The following KLHL1 variants were observed in gnomAD, a reference collection of about 807,000 sequenced individuals.
KLHL1 encodes the protein kelch-like protein 1.
In KLHL1, 47 loss-of-function variants were observed where a neutral mutation model predicts 77.7. The observed-to-expected ratio is 0.60, with a 90% confidence interval of 0.48 to 0.77. The LOEUF is 0.77. Among genes scored for constraint, KLHL1 ranks in the 30% least tolerant of loss-of-function variants. KLHL1 has a pLI of 0.00. For missense variants in KLHL1, 925 were observed against 910.8 expected (o/e 1.02, Z -0.20); for synonymous variants, 360 against 325.2 (o/e 1.11, Z -1.15).
At chr13:69,882,221 T>A (rs1278544246) in intron 5 of KLHL1, 62 bp downstream of exon 5, 1 of 1,134,012 alleles carries the variant, frequency 8.8e-7, no homozygotes, top group African/African-American at 1.5e-5. Context: ...TTTTGATGTT[T>A]ACTTTTAATA....
intron 1 of KLHL1, among the ~76,000 whole-genome samples, chr13:70,033,339 G>A (rs1886153437): frequency 6.6e-6 from 1 of 152,076 alleles, no homozygotes; most frequent in Admixed American, 6.6e-5. Context: ...GCCCAGGCTG[G>A]AGGGCAGTGG....
At chr13:69,968,236 A>G (rs1884276011) in intron 2 of KLHL1, among the ~76,000 whole-genome samples, 1 of 152,044 alleles carries the variant, frequency 6.6e-6, no homozygotes, top group Non-Finnish European at 1.5e-5. Context: ...TTTTAGCAAT[A>G]AAGCATTTTT....
rs372530792 is a variant in KLHL1 at position 69,878,022 on chromosome 13, G to T, written c.1227+4261C>A. On this transcript the variant is annotated intron_variant, in intron 5 of 10. Coordinates refer to ENST00000377844, the MANE Select transcript of KLHL1 (RefSeq NM_020866.3). ...AAATATGTCCAAGTCAAGTTGGTCA[G>T]TTGCCTCATGAACACAAGAGGCTAT... 2.9e-4 allele frequency among the ~76,000 whole-genome samples: 44 copies of T among 152,260 alleles called. No individual in the cohort carries two copies. The East Asian group carries it at 8.5e-3, about 29-fold the overall frequency.
intron 1 of KLHL1, among the ~76,000 whole-genome samples, chr13:70,037,598 T>G (rs1346802576): frequency 6.6e-6 from 1 of 152,082 alleles, no homozygotes; most frequent in Non-Finnish European, 1.5e-5. Context: ...TGTCTCTTCT[T>G]TAGTTTCTTT....
At chr13:69,803,763 T>C (rs78302566) in intron 6 of KLHL1, among the ~76,000 whole-genome samples, 11,501 of 152,176 alleles carry the variant, frequency 0.076, 521 homozygotes, top group Non-Finnish European at 0.099. Context: ...AGATGGGTCA[T>C]ATAAGAAGGA....
chr13:69,788,441 C>G (rs1002145692), intron 7 of KLHL1, among the ~76,000 whole-genome samples: 1 of 151,970 alleles, frequency 6.6e-6, no homozygotes, highest in Non-Finnish European at 1.5e-5. Flanking sequence ...TGTTCTCACT[C>G]ATAGGTGGGA....
intron 9 of KLHL1, among the ~76,000 whole-genome samples, chr13:69,708,614 A>C (rs1875738435): frequency 6.6e-6 from 1 of 152,012 alleles, no homozygotes; most frequent in Non-Finnish European, 1.5e-5. Context: ...TATTAAATTT[A>C]AACAAAAAAT....
intron 3 of KLHL1, among the ~76,000 whole-genome samples, chr13:69,951,950 G>C (rs1883724766): frequency 6.6e-6 from 1 of 151,388 alleles, no homozygotes; most frequent in Admixed American, 6.6e-5. Context: ...AATTCTTTCT[G>C]AAAACACTAT....
intron 3 of KLHL1, among the ~76,000 whole-genome samples, chr13:69,952,466 A>G (rs913505440): frequency 1.3e-5 from 2 of 151,358 alleles, no homozygotes; most frequent in African/African-American, 4.8e-5. Flanking sequence ...TCCTTTAGAG[A>G]AGAAAATATG....
intron 2 of KLHL1, among the ~76,000 whole-genome samples, chr13:69,963,067 A>T (rs1276727169): frequency 6.6e-6 from 1 of 151,988 alleles, no homozygotes; most frequent in African/African-American, 2.4e-5. Context: ...TTATAATTTC[A>T]GCATTTTTTT....
intron 1 of KLHL1, among the ~76,000 whole-genome samples, chr13:69,983,872 A>C (rs2137302996): frequency 6.6e-6 from 1 of 150,670 alleles, no homozygotes; most frequent in South Asian, 2.1e-4. Context: ...AGACTAGAGA[A>C]CCAATAAATA....
intron 5 of KLHL1, 143 bp from the exon 6 acceptor site, chr13:69,839,305 A>T: frequency 2.1e-6 from 1 of 468,772 alleles, no homozygotes; most frequent in Non-Finnish European, 3.7e-6. Flanking sequence ...CATTACAGTA[A>T]CAAATAAAAA....
At chr13:69,906,580 G>A (rs1882053151) in intron 4 of KLHL1, among the ~76,000 whole-genome samples, 1 of 151,784 alleles carries the variant, frequency 6.6e-6, no homozygotes, top group South Asian at 2.1e-4. Context: ...AATTATGAGA[G>A]CAAATACAAT....
intron 2 of KLHL1, among the ~76,000 whole-genome samples, chr13:69,974,335 A>T (rs1884481836): frequency 6.6e-6 from 1 of 151,474 alleles, no homozygotes; most frequent in African/African-American, 2.4e-5. Flanking sequence ...TTTTAGAACA[A>T]TATAAACCAA....
At chr13:69,893,275 C>T (rs1411293637) in intron 4 of KLHL1, among the ~76,000 whole-genome samples, 4 of 149,016 alleles carry the variant, frequency 2.7e-5, no homozygotes, top group South Asian at 2.1e-4. Flanking sequence ...TCGCCCAGGC[C>T]GGACTGCGGA....
intron 1 of KLHL1, among the ~76,000 whole-genome samples, chr13:70,056,834 G>C (rs1886755280): frequency 6.6e-6 from 1 of 151,704 alleles, no homozygotes; most frequent in South Asian, 2.1e-4. Context: ...GTCCAAAGAG[G>C]AAATTTTATT....
At chr13:70,037,863 G>C (rs1333866301) in intron 1 of KLHL1, among the ~76,000 whole-genome samples, 1 of 151,854 alleles carries the variant, frequency 6.6e-6, no homozygotes, top group Non-Finnish European at 1.5e-5. Flanking sequence ...AGTATTTTTT[G>C]ACAGACTCAT....
intron 5 of KLHL1, among the ~76,000 whole-genome samples, chr13:69,858,836 C>G (rs1196020030): frequency 6.6e-6 from 1 of 151,936 alleles, no homozygotes. Context: ...AAGGCTATTT[C>G]AGAAAGAAAG....
In KLHL1 at chr13:69,858,978, A is replaced by G. The variant is rs74092619; in HGVS notation, c.1228-19816T>C. Among the ~76,000 whole-genome samples, 404 of 152,200 alleles carry G rather than the reference A, an allele frequency of 2.7e-3. 2 individuals are homozygous for G. Among genetic ancestry groups the G allele is most frequent in the African/African-American group, 8.7e-3 (363 of 41,558 alleles). On this transcript the variant is annotated intron_variant, in intron 5 of 10. Transcript: ENST00000377844. The stretch of plus-strand genomic sequence containing the variant: ...TGTCTATATCTATCTTGATTCACCT[A>G]TTCATATACGTGTCCATCCAAACTT...
Sources: gnomAD v4.1 joint callset for allele counts (sites outside exome capture counted in the v4.1 genomes callset) on GRCh38, gnomAD v4.1.1 for gene constraint, MANE v1.5 for transcripts, NCBI Gene and HGNC (gene_info 2026-07-23, HGNC 2026-07-21) for gene names.